Variants in SDK2 observed in about 807,000 individuals in gnomAD.
SDK2 encodes the protein sidekick cell adhesion molecule 2, also known as protein sidekick-2.
Under a neutral mutation model 253.9 loss-of-function variants are expected in SDK2, and 105 were observed. That is an observed-to-expected ratio of 0.41 (90% CI 0.35 to 0.49). SDK2 has a LOEUF of 0.49. Among genes scored for constraint, SDK2 ranks in the 20% least tolerant of loss-of-function variants. The pLI is 0.06. For missense variants in SDK2, 2,608 were observed against 3,003.0 expected, an observed-to-expected ratio of 0.87 and a Z score of 3.07; for synonymous variants, 1,249 against 1,234.9, an observed-to-expected ratio of 1.01 and a Z score of -0.24.
chr17:73,500,820 C>T (rs2063885167), intron 2 of SDK2, among the ~76,000 whole-genome samples: 2 of 149,646 alleles, frequency 1.3e-5, no homozygotes, highest in Admixed American at 6.6e-5. Flanking sequence ...TTCCATCCTC[C>T]CTCAGTTCTC....
In SDK2 at chr17:73,534,027, TCTGCTCCGC is replaced by T. The variant is rs1313666996; in HGVS notation, c.65-26439_65-26431del. Among the ~76,000 whole-genome samples, 2 of 152,154 alleles carry T rather than the reference TCTGCTCCGC, an allele frequency of 1.3e-5. No homozygotes were observed. Among genetic ancestry groups the T allele is most frequent in the Admixed American group, 1.3e-4 (2 of 15,288 alleles). The stretch of plus-strand genomic sequence containing the variant: ...CCTCCGCTTGCAGCCAAGACGCCAT[TCTGCTCCGC>T]CTGCTCCCTGCTCCTCCTCCTCCTC... On this transcript the variant is annotated intron_variant, in intron 1 of 44. Transcript: ENST00000392650. This position sits in a 1 kb window ranked among gnomAD's most constrained non-coding sequence, Gnocchi z 4.9.
chr17:73,423,809 G>A, intron 13 of SDK2, 107 bp downstream of exon 13: 3 of 958,114 alleles, frequency 3.1e-6, no homozygotes, highest in Non-Finnish European at 4.5e-6. Context: ...AACAGTTCAG[G>A]TCACACGTGG....
At chr17:73,343,343 A>C (rs2062455785) in intron 44 of SDK2, among the ~76,000 whole-genome samples, 1 of 152,254 alleles carries the variant, frequency 6.6e-6, no homozygotes, top group Admixed American at 6.5e-5. Context: ...AAGCCAAGGC[A>C]GGAGGGCTTT....
rs1199879380 is a variant in SDK2, at chr17:73,643,606, G to A, written c.64+419C>T. On this transcript the variant is annotated intron_variant, in intron 1 of 44. Coordinates refer to ENST00000392650, the MANE Select transcript of SDK2 (RefSeq NM_001144952.2). The surrounding 1 kb of genome is among the most constrained non-coding windows in gnomAD (Gnocchi z 6.9). Reference sequence around the variant, plus strand: ...GGAGGCCATCGCCTGCCCGGCAGGGGCCCTGCCCTTCCCCGCAGACACCGA... The same window carrying A: ...GGAGGCCATCGCCTGCCCGGCAGGGACCCTGCCCTTCCCCGCAGACACCGA... 6.6e-6 allele frequency among the ~76,000 whole-genome samples: 1 copy of A among 152,102 alleles called. No homozygotes were observed. Among genetic ancestry groups the A allele is most frequent in the Non-Finnish European group, 1.5e-5 (1 of 67,988 alleles).
chr17:73,590,128 T>G (rs2045662396), intron 1 of SDK2, among the ~76,000 whole-genome samples: 1 of 152,104 alleles, frequency 6.6e-6, no homozygotes, highest in African/African-American at 2.4e-5. Context: ...AGGGAGCCGA[T>G]GAGGGCCTTT....
chr17:73,483,661 G>GTATATATATATATATTTATATATA (rs2063747286), intron 2 of SDK2, among the ~76,000 whole-genome samples: 13 of 70,182 alleles, frequency 1.9e-4, no homozygotes, highest in African/African-American at 7.5e-4. Flanking sequence ...GTGTGTGTGT[G>GTATATATATATATATTTATATATA]TATATATATA....
intron 33 of SDK2, among the ~76,000 whole-genome samples, chr17:73,382,961 G>C (rs989646675): frequency 1.3e-5 from 2 of 152,184 alleles, no homozygotes; most frequent in Admixed American, 1.3e-4. Flanking sequence ...CCCAGGAAGC[G>C]GAGGTTGCAG....
At chr17:73,373,873 G>A (rs2062756171) in intron 36 of SDK2, among the ~76,000 whole-genome samples, 1 of 150,034 alleles carries the variant, frequency 6.7e-6, no homozygotes, top group East Asian at 2.0e-4. Flanking sequence ...CTGACCTCAG[G>A]TGATCTGCCT....
rs561026344 is a variant in SDK2, at chr17:73,636,680, CAAAAAAAA to C, written c.64+7337_64+7344del. Among the ~76,000 whole-genome samples, 15 of 51,000 alleles carry C rather than the reference CAAAAAAAA, an allele frequency of 2.9e-4. 1 individual carries two copies. In the East Asian group the frequency reaches 3.0e-3, roughly 10 times the overall value. The allele number at this position is 51,000 out of a possible 152,430, so 33.5% of individuals were successfully genotyped here. A position where few individuals can be genotyped will look rare whatever the true frequency, so the allele number is the denominator to read the frequency against. ...TGGGTGACAAAGCAAGACTCTGTCT[CAAAAAAAA>C]AAAAAAAAAAAAAAAAAAGAAAAGA... On this transcript the variant is annotated intron_variant, in intron 1 of 44. Transcript: ENST00000392650.
intron 1 of SDK2, among the ~76,000 whole-genome samples, chr17:73,555,916 G>T (rs369633671): frequency 6.6e-6 from 1 of 152,178 alleles, no homozygotes; most frequent in African/African-American, 2.4e-5. Flanking sequence ...GGGGACCAGG[G>T]AGTCAGCCCT....
At chr17:73,472,507 G>A (rs1344424858) in intron 2 of SDK2, among the ~76,000 whole-genome samples, 2 of 152,334 alleles carry the variant, frequency 1.3e-5, no homozygotes, top group East Asian at 3.9e-4. Context: ...TGACCCTAAG[G>A]CTGTGTCAGC....
rs541959272 is a variant in SDK2 at position 73,356,631 on chromosome 17, C to T, written c.5593+1448G>A. 3.9e-5 allele frequency among the ~76,000 whole-genome samples: 6 copies of T among 152,258 alleles called. No homozygotes were observed. The South Asian group carries it at 1.2e-3, about 32-fold the overall frequency. Reference sequence around the variant, plus strand: ...GCATGGAGGGGAGAGATGCTCACCCCATAACAGCAGCCTGCTCTCAAACAG... The same window carrying T: ...GCATGGAGGGGAGAGATGCTCACCCTATAACAGCAGCCTGCTCTCAAACAG... On this transcript the variant is annotated intron_variant, in intron 40 of 44. Transcript: ENST00000392650.
rs4789623 is a variant in SDK2, at chr17:73,447,709, C to T, written c.519G>A (p.Thr173=). The T allele has an allele frequency of 0.02, 31,516 of 1,551,694 alleles. 534 individuals carry two copies. The highest frequency in any genetic ancestry group is 0.063 in the Admixed American group (3,188 of 51,000). ...TLENTLVILS[T]VAPDAGRYYV... ...AGTAGCGACCTGCGTCAGGGGCCAC[C>T]GTTGACAGGATGACAAGGGTGTTCT... Residue 173 remains threonine, a synonymous_variant, in exon 5 of 45, where the codon ACG becomes ACA. Transcript: ENST00000392650. This position sits in a 1 kb window ranked among gnomAD's most constrained non-coding sequence, Gnocchi z 4.0.
chr17:73,533,214 A>G (rs551536222), intron 1 of SDK2, among the ~76,000 whole-genome samples: 2 of 152,268 alleles, frequency 1.3e-5, no homozygotes, highest in African/African-American at 2.4e-5. Context: ...TGTGCCAGTC[A>G]CTGCCTCCTG....
At chr17:73,356,682 T>C (rs957586814) in intron 40 of SDK2, among the ~76,000 whole-genome samples, 2 of 152,152 alleles carry the variant, frequency 1.3e-5, no homozygotes, top group Non-Finnish European at 2.9e-5. Flanking sequence ...ACCATGCCCC[T>C]TGCCCCCTCT....
intron 1 of SDK2, among the ~76,000 whole-genome samples, chr17:73,594,654 C>T (rs866961162): frequency 3.9e-5 from 6 of 152,218 alleles, no homozygotes; most frequent in African/African-American, 1.2e-4. Context: ...ACACCCATAG[C>T]ACACATATGC....
At chr17:73,513,140 T>G (rs1599637383) in intron 1 of SDK2, among the ~76,000 whole-genome samples, 1 of 122,048 alleles carries the variant, frequency 8.2e-6, no homozygotes. Flanking sequence ...AAATTCTGCC[T>G]GGAAAAAAAA....
At chr17:73,614,251 C>A (rs1413783936) in intron 1 of SDK2, among the ~76,000 whole-genome samples, 1 of 152,212 alleles carries the variant, frequency 6.6e-6, no homozygotes, top group African/African-American at 2.4e-5. Context: ...TGTGGCAGGC[C>A]TGGTTCTTGC....
intron 1 of SDK2, among the ~76,000 whole-genome samples, chr17:73,555,077 C>T (rs1157494755): frequency 2.0e-5 from 3 of 152,258 alleles, no homozygotes; most frequent in African/African-American, 7.2e-5. Context: ...CAATCCCCAT[C>T]TCCAGCCCTG....
Sources: allele counts gnomAD v4.1 joint callset (sites outside exome capture counted in the v4.1 genomes callset), GRCh38; gene constraint gnomAD v4.1.1; non-coding constraint Gnocchi (gnomAD v3.1); transcripts MANE v1.5; gene names NCBI Gene and HGNC (gene_info 2026-07-23, HGNC 2026-07-21).